Variants in MITF observed in about 807,000 individuals in gnomAD.
The protein encoded by MITF is microphthalmia-associated transcription factor.
MITF carries 17 observed loss-of-function variants against 60.5 expected under a neutral mutation model. That is an observed-to-expected ratio of 0.28 (90% CI 0.19 to 0.42). MITF has a LOEUF of 0.42. Ranked by LOEUF, MITF falls within the 10% of genes least tolerant of loss-of-function variation. The pLI, the probability that MITF is intolerant of heterozygous loss-of-function variation, is 1.00. For missense variants in MITF, 622 were observed against 683.5 expected, an observed-to-expected ratio of 0.91 and a Z score of 1.00; for synonymous variants, 260 against 248.5, an observed-to-expected ratio of 1.05 and a Z score of -0.43.
At chr3:69,903,313 G>T (rs1297707465) in intron 2 of MITF, among the ~76,000 whole-genome samples, 9 of 152,154 alleles carry the variant, frequency 5.9e-5, no homozygotes, top group African/African-American at 2.2e-4. Flanking sequence ...TATTTCAGAT[G>T]GTAAGCACAG....
intron 1 of MITF, among the ~76,000 whole-genome samples, chr3:69,759,320 G>A (rs1015659529): frequency 6.6e-6 from 1 of 152,182 alleles, no homozygotes; most frequent in African/African-American, 2.4e-5. Flanking sequence ...AAACTTTGGT[G>A]CCATACTGAA....
intron 9 of MITF, among the ~76,000 whole-genome samples, chr3:69,963,573 A>G (rs2066604008): frequency 6.6e-6 from 1 of 152,210 alleles, no homozygotes; most frequent in Admixed American, 6.5e-5. Context: ...AAATAACCAT[A>G]TTACTTACTA....
At chr3:69,746,104 T>G (rs1703715488) in intron 1 of MITF, among the ~76,000 whole-genome samples, 1 of 152,238 alleles carries the variant, frequency 6.6e-6, no homozygotes, top group Non-Finnish European at 1.5e-5. Flanking sequence ...GTGGTATGAT[T>G]AGAGGGAACA....
chr3:69,823,469 G>A (rs528376736), intron 1 of MITF, among the ~76,000 whole-genome samples: 1 of 152,156 alleles, frequency 6.6e-6, no homozygotes, highest in African/African-American at 2.4e-5. Flanking sequence ...AAGCTCTCTG[G>A]TGTCTCTTCT....
At chr3:69,753,430 C>T (rs1302995839) in intron 1 of MITF, among the ~76,000 whole-genome samples, 5 of 152,224 alleles carry the variant, frequency 3.3e-5, no homozygotes, top group Admixed American at 6.5e-5. Flanking sequence ...GGTTGGAGCC[C>T]CTACACAGAG....
rs915305938 is a variant in MITF, at chr3:69,949,974, A to T, written c.880+806A>T. 3.3e-5 allele frequency among the ~76,000 whole-genome samples: 5 copies of T among 152,268 alleles called. No homozygotes were observed. In the South Asian group the frequency reaches 1.0e-3, roughly 32 times the overall value. ...TTCCTGTTCCAGTCAAGGATGTCTT[A>T]AAAAAATTTTTTTTAGAAAATAAGC... On this transcript the variant is annotated intron_variant, in intron 6 of 9. Coordinates refer to ENST00000352241, the MANE Select transcript of MITF (RefSeq NM_001354604.2).
chr3:69,854,395 A>G (rs1219570079), intron 1 of MITF, among the ~76,000 whole-genome samples: 1 of 152,218 alleles, frequency 6.6e-6, no homozygotes, highest in East Asian at 1.9e-4. Flanking sequence ...TAGTATTTTC[A>G]TATATCTTAT....
chr3:69,780,052 G>T (rs1559625126), intron 1 of MITF, among the ~76,000 whole-genome samples: 1 of 152,190 alleles, frequency 6.6e-6, no homozygotes, highest in Non-Finnish European at 1.5e-5. Context: ...AGAAGCTGAT[G>T]CTCTGTGTAG....
chr3:69,950,319 C>T (rs924050055), intron 6 of MITF, among the ~76,000 whole-genome samples: 5 of 150,852 alleles, frequency 3.3e-5, no homozygotes, highest in African/African-American at 1.2e-4. Flanking sequence ...CAAAACAAAA[C>T]AACAACAACA....
chr3:69,933,293 A>T (rs2065762760), intron 2 of MITF, among the ~76,000 whole-genome samples: 1 of 152,186 alleles, frequency 6.6e-6, no homozygotes, highest in African/African-American at 2.4e-5. Context: ...ATAGAAGAAT[A>T]GTGGATATCT....
chr3:69,833,947 A>G (rs549551379), intron 1 of MITF, among the ~76,000 whole-genome samples: 3 of 152,368 alleles, frequency 2.0e-5, no homozygotes, highest in East Asian at 1.9e-4. Context: ...ACCCAGTAGC[A>G]TTGCCAGATT....
At chr3:69,744,759 C>T (rs946682730) in intron 1 of MITF, among the ~76,000 whole-genome samples, 1 of 152,118 alleles carries the variant, frequency 6.6e-6, no homozygotes, top group Non-Finnish European at 1.5e-5. Flanking sequence ...TTAGTAAATT[C>T]CTTTTTGCTT....
chr3:69,796,832 C>T (rs2062839711), intron 1 of MITF, among the ~76,000 whole-genome samples: 2 of 152,070 alleles, frequency 1.3e-5, no homozygotes, highest in Admixed American at 6.6e-5. Context: ...ATTTGTTAGG[C>T]CATATCTATT....
At chr3:69,959,172 A>T in intron 8 of MITF, 101 bp from the exon 9 acceptor site, 4 of 1,412,058 alleles carry the variant, frequency 2.8e-6, no homozygotes, top group Non-Finnish European at 3.9e-6. Flanking sequence ...AAATAAAAAA[A>T]AATTTTAAAA....
chr3:69,790,753 C>G (rs1211848356), intron 1 of MITF, among the ~76,000 whole-genome samples: 1 of 152,180 alleles, frequency 6.6e-6, no homozygotes, highest in East Asian at 1.9e-4. Flanking sequence ...AGTCCCTAGT[C>G]TGTCCAATCA....
chr3:69,915,856 A>G (rs1039681317), intron 2 of MITF, among the ~76,000 whole-genome samples: 2 of 152,018 alleles, frequency 1.3e-5, no homozygotes, highest in African/African-American at 4.8e-5. Context: ...CTTATCCTTT[A>G]TCTCTAACAC....
At chr3:69,881,891 CAG>C (rs1216155895) in intron 2 of MITF, among the ~76,000 whole-genome samples, 1 of 152,036 alleles carries the variant, frequency 6.6e-6, no homozygotes, top group African/African-American at 2.4e-5. Context: ...CTTGCTAAAA[CAG>C]AACATGCCTG....
intron 1 of MITF, among the ~76,000 whole-genome samples, chr3:69,743,379 A>G (rs753645864): frequency 3.3e-5 from 5 of 152,178 alleles, no homozygotes. Context: ...TGTTTTTGCA[A>G]TGAATATTGT....
At chr3:69,897,720 G>A (rs79383430) in intron 2 of MITF, among the ~76,000 whole-genome samples, 2,104 of 152,230 alleles carry the variant, frequency 0.014, 22 homozygotes, top group Middle Eastern at 0.048. Flanking sequence ...TCAAATCTTC[G>A]AGAGTTGGGA....
Sources: allele counts gnomAD v4.1 joint callset (sites outside exome capture counted in the v4.1 genomes callset), GRCh38; gene constraint gnomAD v4.1.1; transcripts MANE v1.5; gene names NCBI Gene and HGNC (gene_info 2026-07-23, HGNC 2026-07-21).